ZFP1: variants seen among roughly 807,000 people sequenced by gnomAD.
The protein encoded by ZFP1 is ZFP1 zinc finger protein, also known as zinc finger protein 1 homolog.
A neutral mutation model predicts 38.5 loss-of-function variants in ZFP1; 32 were observed. The ratio of observed to expected loss-of-function variants is 0.83; its 90% CI spans 0.63 to 1.12. The LOEUF (loss-of-function observed/expected upper bound fraction) is 1.12. Among genes scored for constraint, ZFP1 ranks in the 50% most tolerant of loss-of-function variants. The pLI is 0.00. For synonymous variants in ZFP1, 245 were observed against 168.8 expected (o/e 1.45, Z -3.50); for missense variants, 616 against 480.8 (o/e 1.28, Z -2.63).
chr16:75,140,004 C>T, the ZFP1 span, among the ~76,000 whole-genome samples: 2 of 152,192 alleles, frequency 1.3e-5, no homozygotes, highest in East Asian at 1.9e-4. Flanking sequence ...CATAGTGGCT[C>T]ATGCCTGTAA....
the ZFP1 span, among the ~76,000 whole-genome samples, chr16:75,130,781 A>C: frequency 1.3e-5 from 2 of 150,534 alleles, no homozygotes; most frequent in Non-Finnish European, 2.9e-5. Context: ...TAATACTCAC[A>C]TGAGTAAATC....
the ZFP1 span, among the ~76,000 whole-genome samples, chr16:75,135,209 CAAAAAAAAAAA>C: frequency 8.0e-4 from 12 of 14,960 alleles, no homozygotes; most frequent in Non-Finnish European, 1.3e-3. Flanking sequence ...GACCTTATCT[CAAAAAAAAAAA>C]AAAAAAAAAA....
chr16:75,141,349 CCCA>C, the ZFP1 span, among the ~76,000 whole-genome samples: 1 of 151,558 alleles, frequency 6.6e-6, no homozygotes, highest in African/African-American at 2.4e-5. Context: ...ACTACAGGCG[CCCA>C]CCACCACACC....
At chr16:75,162,994 C>T (rs1479334433) in intron 2 of ZFP1, among the ~76,000 whole-genome samples, 2 of 150,698 alleles carry the variant, frequency 1.3e-5, no homozygotes, top group East Asian at 2.0e-4. Flanking sequence ...ACTGCAAGCT[C>T]CGCCTCCTGG....
the ZFP1 span, chr16:75,132,562 C>T: frequency 6.6e-6 from 1 of 151,950 alleles, no homozygotes; most frequent in Non-Finnish European, 1.5e-5. Context: ...GCTAGATCTG[C>T]GCTTCCCACT....
chr16:75,160,483 A>G (rs1380719271), intron 2 of ZFP1, among the ~76,000 whole-genome samples: 1 of 151,712 alleles, frequency 6.6e-6, no homozygotes, highest in East Asian at 1.9e-4. Context: ...TCTGTACTAA[A>G]CCCCATCTGT....
chr16:75,137,842 G>A, the ZFP1 span, among the ~76,000 whole-genome samples: 2 of 152,088 alleles, frequency 1.3e-5, no homozygotes, highest in South Asian at 4.1e-4. Flanking sequence ...GTTGCAGGGA[G>A]CTAGGATTCC....
In ZFP1 at chr16:75,170,631, A is replaced by AT; in HGVS notation, c.*298dup. On this transcript the variant is annotated 3_prime_UTR_variant, in exon 4 of 4. Transcript: ENST00000570010. ...TATTCTAGACAGCAGCATAAGAAAT[A>AT]TACAAACAGTATCCTATGAATTTAG... The AT allele has an allele frequency of 3.7e-6, 1 of 273,886 alleles. No homozygotes were observed. Among genetic ancestry groups the AT allele is most frequent in the East Asian group, 6.5e-5 (1 of 15,422 alleles). The allele number at this position is 273,886 out of a possible 1,614,324, so 17.0% of individuals were successfully genotyped here. A position where few individuals can be genotyped will look rare whatever the true frequency, so the allele number is the denominator to read the frequency against.
upstream of ZFP1, among the ~76,000 whole-genome samples, chr16:75,144,662 C>T (rs945416729): frequency 3.3e-5 from 5 of 152,094 alleles, no homozygotes; most frequent in Non-Finnish European, 7.3e-5. Flanking sequence ...TCTCATTATC[C>T]CAAACAGAAA....
At chr16:75,120,816 C>CA in the ZFP1 span, among the ~76,000 whole-genome samples, 2 of 151,518 alleles carry the variant, frequency 1.3e-5, no homozygotes, top group African/African-American at 2.4e-5. Context: ...TTAGTAGAGA[C>CA]GGGTTTCACC....
chr16:75,146,419 G>A (rs924276551), upstream of ZFP1, among the ~76,000 whole-genome samples: 9 of 152,100 alleles, frequency 5.9e-5, no homozygotes, highest in Admixed American at 1.3e-4. Context: ...CGCCCGCCTC[G>A]GCCTCCCAAA....
chr16:75,152,800 G>T, intron 1 of ZFP1, 109 bp from the exon 2 acceptor site: 1 of 941,100 alleles, frequency 1.1e-6, no homozygotes, highest in Non-Finnish European at 1.6e-6. Flanking sequence ...TTTCCCAGGA[G>T]GTGGTATTTT....
At chr16:75,148,988 G>GC (rs1238437847) in intron 1 of ZFP1, 4 of 151,838 alleles carry the variant, frequency 2.6e-5, no homozygotes, top group East Asian at 2.0e-4. Context: ...GCGGGACGAG[G>GC]CCCCGCCGGG....
intron 2 of ZFP1, among the ~76,000 whole-genome samples, chr16:75,156,251 C>G (rs762632073): frequency 3.3e-5 from 5 of 152,064 alleles, no homozygotes; most frequent in African/African-American, 1.2e-4. Context: ...GTCAGGAGAT[C>G]GAGACCAGCC....
At position 75,170,463 on chromosome 16, in the gene ZFP1, TA is replaced by T. The variant is rs976961885; in HGVS notation, c.*134del. ...GCAATCTCTCAACTCAAAAATGTAT[TA>T]AAAATAGGATCCCATGAGAACATTA... On this transcript the variant is annotated 3_prime_UTR_variant, in exon 4 of 4. Transcript: ENST00000570010. The T allele has an allele frequency of 3.1e-6, 4 of 1,306,930 alleles. No individual in the cohort carries two copies. In the Admixed American group the frequency reaches 1.2e-4, roughly 40 times the overall value. The allele number at this position is 1,306,930 out of a possible 1,614,324, so 81.0% of individuals were successfully genotyped here. A position where few individuals can be genotyped will look rare whatever the true frequency, so the allele number is the denominator to read the frequency against.
chr16:75,169,308 G>A lies in ZFP1; in HGVS notation c.198G>A (p.Gln66=), dbSNP rs201191423. 9.7e-5 allele frequency: 157 copies of A among 1,613,904 alleles called. No homozygotes were observed. The highest frequency in any genetic ancestry group is 1.3e-4 in the Non-Finnish European group (149 of 1,179,994). Residue 66 remains glutamine (Q), a synonymous_variant, in exon 4 of 4, where the codon CAG becomes CAA. Transcript: ENST00000570010. ...MERDHRNPDE[Q]ARQFLILKNQ... Reference sequence around the variant, plus strand: ...GAGACCACAGAAACCCAGACGAGCAGGCGAGGCAATTTTTAATTCTTAAGA... The same window carrying A: ...GAGACCACAGAAACCCAGACGAGCAAGCGAGGCAATTTTTAATTCTTAAGA...
chr16:75,135,260 C>CAAAAAGTGAATGGATAA, the ZFP1 span, among the ~76,000 whole-genome samples: 2 of 130,202 alleles, frequency 1.5e-5, no homozygotes, highest in African/African-American at 2.9e-5. Context: ...AGAGATCCTT[C>CAAAAAGTGAATGGATAA]ACTCATTCAT....
the ZFP1 span, among the ~76,000 whole-genome samples, chr16:75,142,777 A>G: frequency 2.0e-5 from 3 of 152,134 alleles, no homozygotes; most frequent in African/African-American, 7.2e-5. Flanking sequence ...ATCTCAGCTC[A>G]CTGCAACCTT....
At chr16:75,160,022 C>G (rs1050704002) in intron 2 of ZFP1, among the ~76,000 whole-genome samples, 1 of 152,142 alleles carries the variant, frequency 6.6e-6, no homozygotes, top group East Asian at 1.9e-4. Flanking sequence ...TCTGAAATCT[C>G]TAGTCAGCTC....
Sources: gnomAD v4.1 joint callset for allele counts (sites outside exome capture counted in the v4.1 genomes callset) on GRCh38, gnomAD v4.1.1 for gene constraint, MANE v1.5 for transcripts, NCBI Gene and HGNC (gene_info 2026-07-23, HGNC 2026-07-21) for gene names.